SLC26A7: variants seen among roughly 807,000 people sequenced by gnomAD.
SLC26A7 encodes anion exchange transporter.
SLC26A7 carries 59 observed loss-of-function variants against 82.5 expected under a neutral mutation model. The ratio of observed to expected loss-of-function variants is 0.72; its 90% CI spans 0.58 to 0.89. The LOEUF (loss-of-function observed/expected upper bound fraction) is 0.89, where lower values mean the gene tolerates loss of function less well. SLC26A7 is among the 40% of genes least tolerant of loss of function. SLC26A7 has a pLI of 0.00. For missense variants in SLC26A7, 820 were observed against 793.0 expected, an observed-to-expected ratio of 1.03 and a Z score of -0.41; for synonymous variants, 271 against 274.3, an observed-to-expected ratio of 0.99 and a Z score of 0.12.
Position 91,397,701 on chromosome 8 carries a change from C to T in SLC26A7, c.*2604C>T, listed in dbSNP as rs1446876878. ...GTGTTATAAGTTTTAGCTTGAACTA[C>T]TTTGCAGTAATTTATTTGACAGATC... On this transcript the variant is annotated 3_prime_UTR_variant, in exon 19 of 19. Coordinates refer to ENST00000276609, the MANE Select transcript of SLC26A7 (RefSeq NM_052832.4). 6.6e-6 allele frequency: 1 copy of T among 152,476 alleles called. No individual in the cohort carries two copies. Among genetic ancestry groups the T allele is most frequent in the Non-Finnish European group, 1.5e-5 (1 of 67,942 alleles). 9.4% of individuals were successfully genotyped at this position (152,476 alleles called of 1,614,324 possible).
At chr8:91,382,213 T>TA (rs1481715297) in intron 15 of SLC26A7, among the ~76,000 whole-genome samples, 2 of 152,280 alleles carry the variant, frequency 1.3e-5, no homozygotes, top group East Asian at 3.9e-4. Context: ...ACTTCTACTT[T>TA]AAAAAATCCA....
chr8:91,214,233 G>C (rs1006400822), intron 1 of SLC26A7, among the ~76,000 whole-genome samples: 2 of 152,100 alleles, frequency 1.3e-5, no homozygotes, highest in Non-Finnish European at 2.9e-5. Flanking sequence ...CCTCTGAGGG[G>C]TGTGAAGGAG....
chr8:91,210,044 T>C (rs1206000701), intron 1 of SLC26A7, among the ~76,000 whole-genome samples: 1 of 152,172 alleles, frequency 6.6e-6, no homozygotes, highest in Non-Finnish European at 1.5e-5. Flanking sequence ...CATAAAGCAT[T>C]ATATACCCAT....
chr8:91,394,153 C>A (rs755331473), intron 18 of SLC26A7, 114 bp downstream of exon 18: 1 of 1,598,290 alleles, frequency 6.3e-7, no homozygotes, highest in Non-Finnish European at 8.5e-7. Flanking sequence ...ATCTGTTAGC[C>A]CCCCACCCCA....
chr8:91,341,139 C>G (rs1464154573), intron 8 of SLC26A7, among the ~76,000 whole-genome samples: 1 of 151,680 alleles, frequency 6.6e-6, no homozygotes, highest in African/African-American at 2.4e-5. Flanking sequence ...CCTCCCTCCT[C>G]CCCCCACCCC....
rs1808534843 is a variant in SLC26A7, at chr8:91,395,171, C to A, written c.*74C>A. ...GGCCATATGCTGGCATTTTGCACAACTTTTTGGTTGTTTAGATCCTACAGA... is the reference window on the plus strand; with the variant it reads ...GGCCATATGCTGGCATTTTGCACAAATTTTTGGTTGTTTAGATCCTACAGA... On this transcript the variant is annotated 3_prime_UTR_variant, in exon 19 of 19. Coordinates refer to ENST00000276609, the MANE Select transcript of SLC26A7 (RefSeq NM_052832.4). 1.2e-6 allele frequency: 2 copies of A among 1,604,106 alleles called. No homozygotes were observed. Among genetic ancestry groups the A allele is most frequent in the East Asian group, 2.2e-5 (1 of 44,644 alleles).
chr8:91,236,949 C>T (rs762628632), intron 2 of SLC26A7, among the ~76,000 whole-genome samples: 11 of 152,160 alleles, frequency 7.2e-5, no homozygotes, highest in Non-Finnish European at 1.3e-4. Flanking sequence ...GTGCTTTGTA[C>T]TTTAGGTAAA....
chr8:91,224,762 C>T (rs905383814), intron 2 of SLC26A7, among the ~76,000 whole-genome samples: 1 of 152,184 alleles, frequency 6.6e-6, no homozygotes, highest in Non-Finnish European at 1.5e-5. Flanking sequence ...TCTAGGTTGC[C>T]TGGATTCCTC....
intron 16 of SLC26A7, among the ~76,000 whole-genome samples, chr8:91,392,363 T>A (rs887001445): frequency 6.6e-6 from 1 of 152,170 alleles, no homozygotes; most frequent in Admixed American, 6.6e-5. Flanking sequence ...GTTTACTTGC[T>A]TTTCGGTAAA....
intron 11 of SLC26A7, 114 bp downstream of exon 11, chr8:91,353,110 C>A: frequency 1.8e-6 from 1 of 566,930 alleles, no homozygotes; most frequent in Admixed American, 3.8e-5. Flanking sequence ...GACTTGTACA[C>A]TTTACAAACT....
intron 2 of SLC26A7, among the ~76,000 whole-genome samples, chr8:91,225,808 G>T (rs1810230825): frequency 1.3e-5 from 2 of 151,674 alleles, no homozygotes. Context: ...TTCTACTCCT[G>T]TCCTTGTCAG....
chr8:91,276,517 A>G (rs1811411255), intron 2 of SLC26A7, among the ~76,000 whole-genome samples: 1 of 152,184 alleles, frequency 6.6e-6, no homozygotes, highest in African/African-American at 2.4e-5. Context: ...GATGGTGTTC[A>G]TCAAAATTCT....
At position 91,350,982 on chromosome 8, in the gene SLC26A7, A is replaced by G. The variant is rs1394374522; in HGVS notation, c.1141-828A>G. Among the ~76,000 whole-genome samples, 3 of 152,110 alleles carry G rather than the reference A, an allele frequency of 2.0e-5. No individual in the cohort carries two copies. In the East Asian group the frequency reaches 5.8e-4, roughly 29 times the overall value. ...CCTTTGATATTGATTGTTTGTTTAT[A>G]TATTTATTTTTAATTTAAGCCATTC... On this transcript the variant is annotated intron_variant, in intron 9 of 18. Transcript: ENST00000276609.
intron 5 of SLC26A7, among the ~76,000 whole-genome samples, chr8:91,323,819 T>C (rs1299947683): frequency 9.3e-5 from 1 of 10,798 alleles, no homozygotes; most frequent in Non-Finnish European, 4.9e-4. Flanking sequence ...TTTTCTTATC[T>C]TTTTTTTTTT....
At chr8:91,337,939 T>C (rs1324866181) in intron 6 of SLC26A7, among the ~76,000 whole-genome samples, 1 of 69,892 alleles carries the variant, frequency 1.4e-5, no homozygotes, top group Non-Finnish European at 4.3e-5. Context: ...GATTGGGATG[T>C]CATCTAATTT....
At chr8:91,272,482 T>C (rs1179769122) in intron 2 of SLC26A7, among the ~76,000 whole-genome samples, 1 of 152,134 alleles carries the variant, frequency 6.6e-6, no homozygotes, top group Non-Finnish European at 1.5e-5. Flanking sequence ...CACGATCAAC[T>C]CTTCCTGGAA....
rs754399849 is a variant in SLC26A7, at chr8:91,393,976, C to T, written c.1872C>T (p.Asp624=). 1 of 1,613,710 alleles carries T rather than the reference C, an allele frequency of 6.2e-7. No homozygotes were observed. The highest frequency in any genetic ancestry group is 1.1e-5 in the South Asian group (1 of 91,068). The stretch of plus-strand genomic sequence containing the variant: ...CAATGACGTATTATGGAAACCTAGA[C>T]TCAGAGAAACCAATTTTTTTTGAAT... The part of the protein sequence containing the change: ...IKAMTYYGNL[D]SEKPIFFESV... Residue 624 remains aspartate, a synonymous_variant, in exon 18 of 19, where the codon GAC becomes GAT. Transcript: ENST00000276609.
chr8:91,240,395 C>G (rs1439765002), intron 2 of SLC26A7, among the ~76,000 whole-genome samples: 2 of 152,224 alleles, frequency 1.3e-5, no homozygotes, highest in East Asian at 3.9e-4. Flanking sequence ...AGAATGAGAA[C>G]TCTGGAACTC....
chr8:91,367,758 G>A (rs935161780), intron 14 of SLC26A7, among the ~76,000 whole-genome samples: 4 of 152,170 alleles, frequency 2.6e-5, no homozygotes, highest in African/African-American at 9.7e-5. Context: ...GTTGACTACT[G>A]TCTCCATGAA....
Sources: allele counts gnomAD v4.1 joint callset (sites outside exome capture counted in the v4.1 genomes callset), GRCh38; gene constraint gnomAD v4.1.1; transcripts MANE v1.5; gene names NCBI Gene and HGNC (gene_info 2026-07-23, HGNC 2026-07-21).